Variants in ZNF708 observed in about 807,000 individuals in gnomAD.
The protein encoded by ZNF708 is zinc finger protein 708.
A neutral mutation model predicts 47.0 loss-of-function variants in ZNF708; 44 were observed. The ratio of observed to expected loss-of-function variants is 0.94; its 90% CI spans 0.74 to 1.20. ZNF708 has a LOEUF of 1.20. ZNF708 is among the 50% of genes most tolerant of loss of function. The pLI is 0.00. For synonymous variants in ZNF708, 184 were observed against 218.5 expected, an observed-to-expected ratio of 0.84 and a Z score of 1.39; for missense variants, 557 against 656.0, an observed-to-expected ratio of 0.85 and a Z score of 1.65.
intron 3 of ZNF708, among the ~76,000 whole-genome samples, chr19:21,295,439 A>C (rs1972509554): frequency 6.6e-6 from 1 of 152,192 alleles, no homozygotes; most frequent in Admixed American, 6.5e-5. Flanking sequence ...CCCAGGCCTA[A>C]GGTACATTAT....
intron 1 of ZNF708, among the ~76,000 whole-genome samples, chr19:21,321,874 CA>C: frequency 6.6e-6 from 1 of 151,932 alleles, no homozygotes; most frequent in East Asian, 1.9e-4. Flanking sequence ...ACCAATGAAT[CA>C]AAAATAGAAG....
chr19:21,310,640 TAC>T lies in ZNF708; in HGVS notation c.4-15_4-14del, dbSNP rs747192673. ...ATGTCAATGGTCCCTGAAAAACACA[TAC>T]ACACACACATATTTACCAAGTGGTT... On this transcript the variant is annotated splice_polypyrimidine_tract_variant and intron_variant, in intron 1 of 3. Transcript: ENST00000356929. 74 of 1,481,886 alleles carry T rather than the reference TAC, an allele frequency of 5.0e-5. No individual in the cohort carries two copies. The highest frequency in any genetic ancestry group is 2.0e-4 in the South Asian group (14 of 71,700). The allele number at this position is 1,481,886 out of a possible 1,614,324, so 91.8% of individuals were successfully genotyped here.
chr19:21,300,505 T>TAA (rs1215143351), intron 3 of ZNF708, among the ~76,000 whole-genome samples: 5 of 110,496 alleles, frequency 4.5e-5, no homozygotes, highest in Admixed American at 9.6e-5. Context: ...AAACTCTGTC[T>TAA]AAAAAAAAAA....
At chr19:21,299,550 A>C (rs998818775) in intron 3 of ZNF708, among the ~76,000 whole-genome samples, 1 of 152,036 alleles carries the variant, frequency 6.6e-6, no homozygotes, top group African/African-American at 2.4e-5. Context: ...CAGGAGTTCA[A>C]GACCAGCCTG....
intron 1 of ZNF708, among the ~76,000 whole-genome samples, chr19:21,311,485 A>C (rs1972897213): frequency 6.6e-6 from 1 of 152,208 alleles, no homozygotes. Flanking sequence ...CCACTGCTGG[A>C]ATATTCCCCC....
At chr19:21,327,291 A>C (rs1400042545) in intron 1 of ZNF708, among the ~76,000 whole-genome samples, 1 of 152,096 alleles carries the variant, frequency 6.6e-6, no homozygotes, top group African/African-American at 2.4e-5. Context: ...GCACTTTGGG[A>C]GGCCGAGGCG....
intron 1 of ZNF708, among the ~76,000 whole-genome samples, chr19:21,328,606 T>C (rs1456233431): frequency 1.3e-5 from 2 of 152,104 alleles, no homozygotes; most frequent in African/African-American, 4.8e-5. Context: ...GAGGCTCTAG[T>C]CCCCGGCTTT....
At chr19:21,312,719 C>G (rs546500466) in intron 1 of ZNF708, among the ~76,000 whole-genome samples, 2 of 152,068 alleles carry the variant, frequency 1.3e-5, no homozygotes, top group African/African-American at 2.4e-5. Flanking sequence ...AAACAAGACC[C>G]CTGTCAATGT....
Position 21,319,419 on chromosome 19 carries a change from T to C in ZNF708, c.4-8792A>G, listed in dbSNP as rs1226311188. Among the ~76,000 whole-genome samples the C allele has an allele frequency of 3.3e-5, 5 of 151,854 alleles. No homozygotes were observed. The East Asian group carries it at 9.7e-4, about 29-fold the overall frequency. ...GTATTGCTAAATTTACTCCTATCAT[T>C]GTGTTCAATTTGTGTGTGCTCCTAA... On this transcript the variant is annotated intron_variant, in intron 1 of 3. Transcript: ENST00000356929.
At chr19:21,303,858 T>TTTACCAATATA (rs1225917164) in intron 3 of ZNF708, among the ~76,000 whole-genome samples, 10 of 151,998 alleles carry the variant, frequency 6.6e-5, no homozygotes, top group African/African-American at 2.4e-4. Flanking sequence ...ACCAGGAATC[T>TTTACCAATATA]ATAACTATTA....
chr19:21,305,596 A>T (rs1599675826), intron 3 of ZNF708, among the ~76,000 whole-genome samples: 1 of 150,536 alleles, frequency 6.6e-6, no homozygotes, highest in African/African-American at 2.4e-5. Context: ...GTAGCTGGGA[A>T]TACAGGCACC....
intron 1 of ZNF708, 144 bp from the exon 2 acceptor site, chr19:21,310,771 C>A: frequency 1.7e-6 from 1 of 586,372 alleles, no homozygotes; most frequent in Non-Finnish European, 2.6e-6. Context: ...TAATTTTCAA[C>A]ACAGAAATAT....
intron 3 of ZNF708, among the ~76,000 whole-genome samples, chr19:21,307,623 G>GA (rs574547146): frequency 1.1e-3 from 157 of 142,388 alleles, no homozygotes; most frequent in South Asian, 9.2e-3. Flanking sequence ...CTCAGTTTCG[G>GA]AAAAAAAAAA....
intron 1 of ZNF708, among the ~76,000 whole-genome samples, chr19:21,314,660 T>A (rs1054530342): frequency 6.6e-6 from 1 of 152,204 alleles, no homozygotes; most frequent in Non-Finnish European, 1.5e-5. Context: ...ATTATAGCAA[T>A]CAGTTTATCT....
chr19:21,306,023 A>G (rs891244434), intron 3 of ZNF708, among the ~76,000 whole-genome samples: 1 of 152,234 alleles, frequency 6.6e-6, no homozygotes, highest in Non-Finnish European at 1.5e-5. Context: ...AAAACTGGAA[A>G]GCGACACTGA....
chr19:21,315,976 G>A (rs1489420060), intron 1 of ZNF708, among the ~76,000 whole-genome samples: 1 of 150,618 alleles, frequency 6.6e-6, no homozygotes, highest in Admixed American at 6.6e-5. Context: ...GGCCAAGACA[G>A]GAGAATCACC....
At chr19:21,309,422 T>C in intron 2 of ZNF708, 81 bp from the exon 3 acceptor site, 1 of 1,331,408 alleles carries the variant, frequency 7.5e-7, no homozygotes, top group Non-Finnish European at 1.0e-6. Flanking sequence ...GTAAAGAGAA[T>C]GTAGGCCAGG....
At chr19:21,308,280 CT>C (rs781493370) in intron 3 of ZNF708, among the ~76,000 whole-genome samples, 2,030 of 137,584 alleles carry the variant, frequency 0.015, 29 homozygotes, top group African/African-American at 0.043. Context: ...TATAATAAAT[CT>C]TTTTTTTTTT....
chr19:21,299,527 G>A (rs867914853), intron 3 of ZNF708, among the ~76,000 whole-genome samples: 5 of 150,890 alleles, frequency 3.3e-5, no homozygotes, highest in African/African-American at 7.3e-5. Context: ...GAGACAGATG[G>A]GTCACTTGAA....
Sources: gnomAD v4.1 joint callset for allele counts (sites outside exome capture counted in the v4.1 genomes callset) on GRCh38, gnomAD v4.1.1 for gene constraint, MANE v1.5 for transcripts, NCBI Gene and HGNC (gene_info 2026-07-23, HGNC 2026-07-21) for gene names.